ADGRL4: variants seen among roughly 807,000 people sequenced by gnomAD.
ADGRL4 encodes EGF, latrophilin and seven transmembrane domain containing 1.
ADGRL4 carries 90 observed loss-of-function variants against 74.8 expected under a neutral mutation model. The ratio of observed to expected loss-of-function variants is 1.20; its 90% CI spans 1.02 to 1.43. The LOEUF is 1.43. Ranked by LOEUF, ADGRL4 falls within the 40% of genes most tolerant of loss-of-function variation. The pLI, the probability that ADGRL4 is intolerant of heterozygous loss-of-function variation, is 0.00. For synonymous variants in ADGRL4, 311 were observed against 279.2 expected, an observed-to-expected ratio of 1.11 and a Z score of -1.14; for missense variants, 881 against 814.3, an observed-to-expected ratio of 1.08 and a Z score of -1.00.
intron 2 of ADGRL4, among the ~76,000 whole-genome samples, chr1:78,999,975 A>G (rs1650808976): frequency 6.6e-6 from 1 of 152,152 alleles, no homozygotes; most frequent in Non-Finnish European, 1.5e-5. Flanking sequence ...TTTGTGCATA[A>G]GTAGAAAATA....
rs1471307271 is a variant in ADGRL4, at chr1:78,890,604, G to C, written c.*550C>G. ...AACAATTCACAAAATGGTAAAATGT[G>C]TTTCTTCAATTCTTTATTTTATGTC... On this transcript the variant is annotated 3_prime_UTR_variant, in exon 15 of 15. Coordinates refer to ENST00000370742, the MANE Select transcript of ADGRL4 (RefSeq NM_022159.4). 1 of 151,512 alleles carries C rather than the reference G, an allele frequency of 6.6e-6. No individual in the cohort carries two copies. Among genetic ancestry groups the C allele is most frequent in the Admixed American group, 6.6e-5 (1 of 15,198 alleles). The allele number at this position is 151,512 out of a possible 1,614,324, so 9.4% of individuals were successfully genotyped here. A position where few individuals can be genotyped will look rare whatever the true frequency, so the allele number is the denominator to read the frequency against.
chr1:78,892,293 A>T lies in ADGRL4; in HGVS notation c.1842-601T>A, dbSNP rs868708633. On this transcript the variant is annotated intron_variant, in intron 13 of 14. Coordinates refer to ENST00000370742, the MANE Select transcript of ADGRL4 (RefSeq NM_022159.4). ...ATACTGTTTTCTTAAAAATTAAAGA[A>T]AAAATACACACACATACGCACTCTT... Among the ~76,000 whole-genome samples the T allele has an allele frequency of 2.6e-5, 4 of 152,312 alleles. No homozygotes were observed. The South Asian group carries it at 8.3e-4, about 32-fold the overall frequency.
At chr1:78,961,329 G>A (rs1325148028) in intron 2 of ADGRL4, among the ~76,000 whole-genome samples, 2 of 152,088 alleles carry the variant, frequency 1.3e-5, no homozygotes, top group Admixed American at 6.6e-5. Flanking sequence ...CTTTAGTAGA[G>A]ATGAGGTTTC....
At chr1:78,898,260 G>A (rs904335486) in intron 12 of ADGRL4, among the ~76,000 whole-genome samples, 1 of 152,074 alleles carries the variant, frequency 6.6e-6, no homozygotes, top group African/African-American at 2.4e-5. Flanking sequence ...ATGTTTATAT[G>A]GCAGTGTCTA....
chr1:78,966,415 T>C (rs1374239781), intron 2 of ADGRL4, among the ~76,000 whole-genome samples: 1 of 152,202 alleles, frequency 6.6e-6, no homozygotes, highest in East Asian at 1.9e-4. Context: ...TTAGCTGAAC[T>C]AAGGAGAAAG....
At chr1:78,965,296 C>T (rs1906828) in intron 2 of ADGRL4, among the ~76,000 whole-genome samples, 2,285 of 152,066 alleles carry the variant, frequency 0.015, 55 homozygotes, top group African/African-American at 0.051. Flanking sequence ...AAAAAACTGA[C>T]GGATCATTCA....
Position 78,972,933 on chromosome 1 carries a change from A to G in ADGRL4, c.173-26507T>C, listed in dbSNP as rs151043724. Reference sequence around the variant, plus strand: ...GCTGCCAATGGACCCTGCTCTTACCAGGTGCAGGCCTCTCAGCTATGAACA... The same window carrying G: ...GCTGCCAATGGACCCTGCTCTTACCGGGTGCAGGCCTCTCAGCTATGAACA... On this transcript the variant is annotated intron_variant, in intron 2 of 14. Coordinates refer to ENST00000370742, the MANE Select transcript of ADGRL4 (RefSeq NM_022159.4). Among the ~76,000 whole-genome samples, 326 of 152,294 alleles carry G rather than the reference A, an allele frequency of 2.1e-3. 2 individuals are homozygous for G. The highest frequency in any genetic ancestry group is 3.3e-3 in the Non-Finnish European group (226 of 68,022).
chr1:78,913,158 G>A (rs1157744881), intron 12 of ADGRL4, among the ~76,000 whole-genome samples: 1 of 151,964 alleles, frequency 6.6e-6, no homozygotes, highest in Non-Finnish European at 1.5e-5. Flanking sequence ...TGAAGTTGGG[G>A]AGAAAAAGGA....
At chr1:78,940,149 T>A (rs183007753) in intron 3 of ADGRL4, among the ~76,000 whole-genome samples, 28 of 152,272 alleles carry the variant, frequency 1.8e-4, no homozygotes, top group African/African-American at 6.7e-4. Context: ...CATTTAAACT[T>A]ATTTGTTTTC....
At chr1:78,894,542 T>C (rs993842318) in intron 12 of ADGRL4, among the ~76,000 whole-genome samples, 4 of 151,850 alleles carry the variant, frequency 2.6e-5, no homozygotes, top group African/African-American at 9.7e-5. Context: ...TAATATTTAA[T>C]TTTATAAGTA....
intron 7 of ADGRL4, among the ~76,000 whole-genome samples, chr1:78,928,290 A>T (rs566097460): frequency 6.6e-6 from 1 of 151,670 alleles, no homozygotes; most frequent in East Asian, 1.9e-4. Context: ...CCTCCAAGAT[A>T]TCTTCTCACC....
At chr1:78,931,468 T>G (rs940879621) in intron 7 of ADGRL4, among the ~76,000 whole-genome samples, 1 of 151,300 alleles carries the variant, frequency 6.6e-6, no homozygotes, top group Non-Finnish European at 1.5e-5. Context: ...TTCCAGACAC[T>G]GCAAAAGCAA....
chr1:78,979,740 T>A (rs34870358), intron 2 of ADGRL4, among the ~76,000 whole-genome samples: 28,516 of 151,874 alleles, frequency 0.19, 2,784 homozygotes, highest in Admixed American at 0.26. Context: ...TGAAATAATG[T>A]CTTTTGCAGT....
chr1:78,963,986 C>T (rs1353425068), intron 2 of ADGRL4, among the ~76,000 whole-genome samples: 2 of 152,144 alleles, frequency 1.3e-5, no homozygotes, highest in Non-Finnish European at 2.9e-5. Flanking sequence ...AGTTGCTTTC[C>T]TCTATCAGTT....
At chr1:78,921,820 G>A (rs2130200) in intron 8 of ADGRL4, 34 bp from the exon 9 acceptor site, 1 of 1,274,934 alleles carries the variant, frequency 7.8e-7, no homozygotes, top group Non-Finnish European at 1.0e-6. Context: ...TGAAAAAAGA[G>A]AAAAAGTTAC....
intron 3 of ADGRL4, among the ~76,000 whole-genome samples, chr1:78,945,351 A>G (rs905011895): frequency 1.3e-5 from 2 of 151,810 alleles, no homozygotes; most frequent in African/African-American, 4.8e-5. Flanking sequence ...AACCTTGGCT[A>G]CATGATTACA....
intron 12 of ADGRL4, among the ~76,000 whole-genome samples, 160 bp downstream of exon 12, chr1:78,917,474 A>G (rs1241314348): frequency 6.6e-6 from 1 of 151,346 alleles, no homozygotes; most frequent in Non-Finnish European, 1.5e-5. Flanking sequence ...AAAGATATAC[A>G]TGTATTTTTT....
At chr1:78,898,095 A>C (rs1199972433) in intron 12 of ADGRL4, among the ~76,000 whole-genome samples, 1 of 151,986 alleles carries the variant, frequency 6.6e-6, no homozygotes, top group East Asian at 1.9e-4. Context: ...AATGAGGTTA[A>C]AAAAAAGGAT....
intron 2 of ADGRL4, among the ~76,000 whole-genome samples, chr1:78,997,699 T>C (rs1650747021): frequency 6.6e-6 from 1 of 152,158 alleles, no homozygotes; most frequent in African/African-American, 2.4e-5. Context: ...TCTAGGTGTT[T>C]ATATTGTTCA....
Sources: gnomAD v4.1 joint callset for allele counts (sites outside exome capture counted in the v4.1 genomes callset) on GRCh38, gnomAD v4.1.1 for gene constraint, MANE v1.5 for transcripts, NCBI Gene and HGNC (gene_info 2026-07-23, HGNC 2026-07-21) for gene names.